CDH4: variants seen among roughly 807,000 people sequenced by gnomAD.
CDH4 encodes the protein cadherin-4.
Under a neutral mutation model 86.0 loss-of-function variants are expected in CDH4, and 33 were observed. The observed-to-expected ratio is 0.38, with a 90% confidence interval of 0.29 to 0.51. CDH4 has a LOEUF of 0.51. CDH4 is among the 20% of genes least tolerant of loss of function. CDH4 has a pLI of 0.86. For synonymous variants in CDH4, 555 were observed against 549.4 expected, an observed-to-expected ratio of 1.01 and a Z score of -0.14; for missense variants, 1,114 against 1,307.4, an observed-to-expected ratio of 0.85 and a Z score of 2.28.
chr20:61,897,576 A>G (rs1985190523), intron 8 of CDH4, among the ~76,000 whole-genome samples: 1 of 152,174 alleles, frequency 6.6e-6, no homozygotes, highest in Non-Finnish European at 1.5e-5. Context: ...ACTGACCAGC[A>G]CTAAGCAGCC....
intron 15 of CDH4, among the ~76,000 whole-genome samples, chr20:61,934,568 C>T (rs980397355): frequency 6.6e-6 from 1 of 152,218 alleles, no homozygotes; most frequent in Non-Finnish European, 1.5e-5. Flanking sequence ...GGGGCGACGG[C>T]GGGGAAGGCG....
At chr20:61,489,134 C>T (rs185830069) in intron 2 of CDH4, among the ~76,000 whole-genome samples, 4 of 152,270 alleles carry the variant, frequency 2.6e-5, no homozygotes, top group South Asian at 2.1e-4. Context: ...CTCACTAACA[C>T]GAGTCGCCTC....
At chr20:61,894,223 A>T (rs1407709892) in intron 7 of CDH4, among the ~76,000 whole-genome samples, 1 of 152,144 alleles carries the variant, frequency 6.6e-6, no homozygotes, top group Non-Finnish European at 1.5e-5. Flanking sequence ...CAGCTCAGGG[A>T]TTTTGGCACT....
At chr20:61,364,102 C>T (rs564397658) in intron 2 of CDH4, among the ~76,000 whole-genome samples, 41 of 152,312 alleles carry the variant, frequency 2.7e-4, no homozygotes, top group African/African-American at 9.6e-4. Flanking sequence ...CCATCTGAAG[C>T]AAGGACAGGA....
At chr20:61,592,383 G>A (rs1043592925) in intron 2 of CDH4, among the ~76,000 whole-genome samples, 11 of 152,120 alleles carry the variant, frequency 7.2e-5, no homozygotes, top group African/African-American at 2.7e-4. Flanking sequence ...TTCCACAGGG[G>A]CGCCCGTCAT....
intron 3 of CDH4, among the ~76,000 whole-genome samples, chr20:61,762,690 G>T (rs2088649639): frequency 6.6e-6 from 1 of 152,226 alleles, no homozygotes; most frequent in African/African-American, 2.4e-5. Context: ...TAGTTTATCT[G>T]CTTATACAAA....
intron 2 of CDH4, among the ~76,000 whole-genome samples, chr20:61,665,899 G>T (rs2087318142): frequency 6.6e-6 from 1 of 152,302 alleles, no homozygotes. Flanking sequence ...CAGGAAAATC[G>T]CAGCGGTGGG....
chr20:61,301,647 C>T (rs924803238), intron 2 of CDH4, among the ~76,000 whole-genome samples: 1 of 152,186 alleles, frequency 6.6e-6, no homozygotes, highest in African/African-American at 2.4e-5. Flanking sequence ...ATTGAATATA[C>T]ATCATATGCA....
At chr20:61,646,030 C>T (rs966877019) in intron 2 of CDH4, among the ~76,000 whole-genome samples, 1 of 152,180 alleles carries the variant, frequency 6.6e-6, no homozygotes, top group Non-Finnish European at 1.5e-5. Context: ...GGGCCTGGCC[C>T]AGCCCCAGCA....
At chr20:61,707,157 A>C (rs532175617) in intron 2 of CDH4, among the ~76,000 whole-genome samples, 1 of 152,338 alleles carries the variant, frequency 6.6e-6, no homozygotes, top group South Asian at 2.1e-4. Context: ...CCATGAGCGC[A>C]TGGCGGGGAT....
chr20:61,451,321 G>GTCAGAGTGGT (rs1568849887), intron 2 of CDH4, among the ~76,000 whole-genome samples: 1 of 152,178 alleles, frequency 6.6e-6, no homozygotes, highest in Non-Finnish European at 1.5e-5. Flanking sequence ...TCTCAGCTGC[G>GTCAGAGTGGT]TCAGAGTGGT....
At chr20:61,571,226 G>A (rs942554146) in intron 2 of CDH4, among the ~76,000 whole-genome samples, 17 of 152,162 alleles carry the variant, frequency 1.1e-4, no homozygotes, top group Admixed American at 1.1e-3. Context: ...TTTCCCTTAG[G>A]AGTGGTCTGA....
intron 2 of CDH4, among the ~76,000 whole-genome samples, chr20:61,384,235 C>T (rs370750889): frequency 6.6e-6 from 1 of 152,106 alleles, no homozygotes; most frequent in African/African-American, 2.4e-5. Context: ...TACTTTGTAT[C>T]CTTCAATCCA....
rs76286922 is a variant in CDH4 at position 61,930,512 on chromosome 20, C to T, written c.2239+670C>T. 6.7e-3 allele frequency among the ~76,000 whole-genome samples: 1,016 copies of T among 152,146 alleles called. 32 individuals carry two copies. Among genetic ancestry groups the T allele is most frequent in the Admixed American group, 0.04 (612 of 15,288 alleles). On this transcript the variant is annotated intron_variant, in intron 13 of 15. Coordinates refer to ENST00000614565, the MANE Select transcript of CDH4 (RefSeq NM_001794.5). ...CCAGGGATCCCAGTGGGAGGCAGGG[C>T]GGGGAAGGGTTGGGCTACCACCTCC...
chr20:61,666,702 C>T lies in CDH4; in HGVS notation c.170-76861C>T, dbSNP rs139794864. Reference sequence around the variant, plus strand: ...CCTGCAGAGCCCTGAGAACCCCCTCCGCCCCAGATCGCCACTCTCCACACA... The same window carrying T: ...CCTGCAGAGCCCTGAGAACCCCCTCTGCCCCAGATCGCCACTCTCCACACA... On this transcript the variant is annotated intron_variant, in intron 2 of 15. Coordinates refer to ENST00000614565, the MANE Select transcript of CDH4 (RefSeq NM_001794.5). 3.1e-3 allele frequency among the ~76,000 whole-genome samples: 477 copies of T among 152,330 alleles called. 7 individuals are homozygous for T. Among genetic ancestry groups the T allele is most frequent in the Middle Eastern group, 3.4e-3 (1 of 294 alleles).
chr20:61,330,935 A>G (rs1275316578), intron 2 of CDH4, among the ~76,000 whole-genome samples: 2 of 151,900 alleles, frequency 1.3e-5, no homozygotes, highest in African/African-American at 4.8e-5. Context: ...GTTCCCCTGC[A>G]CACCTGGGAG....
At chr20:61,481,160 G>T (rs2085565999) in intron 2 of CDH4, among the ~76,000 whole-genome samples, 1 of 152,208 alleles carries the variant, frequency 6.6e-6, no homozygotes, top group Non-Finnish European at 1.5e-5. Flanking sequence ...CTCAACTGCA[G>T]TTTCACCCCC....
At chr20:61,800,247 A>C (rs1264933680) in intron 4 of CDH4, among the ~76,000 whole-genome samples, 1 of 152,198 alleles carries the variant, frequency 6.6e-6, no homozygotes, top group Non-Finnish European at 1.5e-5. Context: ...TCGAGTGCAC[A>C]CACGGTGCTT....
At chr20:61,756,276 CCG>C (rs2088563843) in intron 3 of CDH4, among the ~76,000 whole-genome samples, 1 of 152,210 alleles carries the variant, frequency 6.6e-6, no homozygotes, top group East Asian at 1.9e-4. Context: ...CTCCTTGCCT[CCG>C]ATCTGCATTT....
Sources: allele counts gnomAD v4.1 joint callset (sites outside exome capture counted in the v4.1 genomes callset), GRCh38; gene constraint gnomAD v4.1.1; transcripts MANE v1.5; gene names NCBI Gene and HGNC (gene_info 2026-07-23, HGNC 2026-07-21).